HERC2: variants seen among roughly 807,000 people sequenced by gnomAD.
The protein encoded by HERC2 is E3 ubiquitin-protein ligase HERC2.
In HERC2, 102 loss-of-function variants were observed where a neutral mutation model predicts 537.7. That is an observed-to-expected ratio of 0.19 (90% CI 0.16 to 0.22). The LOEUF is 0.22. Among genes scored for constraint, HERC2 ranks in the 10% least tolerant of loss-of-function variants. HERC2 has a pLI of 1.00. For missense variants in HERC2, 4,236 were observed against 6,198.2 expected (o/e 0.68, Z 10.63); for synonymous variants, 2,224 against 2,466.2 (o/e 0.90, Z 2.91).
intron 55 of HERC2, among the ~76,000 whole-genome samples, chr15:28,187,829 G>C (rs1896457152): frequency 6.6e-6 from 1 of 152,102 alleles, no homozygotes; most frequent in Non-Finnish European, 1.5e-5. Context: ...GCATTTAGTG[G>C]AGTTGGTCTA....
chr15:28,317,059 T>C (rs1174962455), intron 2 of HERC2, among the ~76,000 whole-genome samples: 1 of 152,086 alleles, frequency 6.6e-6, no homozygotes, highest in Middle Eastern at 3.2e-3. Context: ...CACCCAGCCA[T>C]GTAGCCATCT....
At chr15:28,276,268 G>T (rs965256027) in intron 5 of HERC2, among the ~76,000 whole-genome samples, 3 of 150,456 alleles carry the variant, frequency 2.0e-5, no homozygotes, top group African/African-American at 7.4e-5. Flanking sequence ...AATAAAAATG[G>T]CAATGAAGAA....
intron 48 of HERC2, among the ~76,000 whole-genome samples, chr15:28,199,476 T>G (rs1193835422): frequency 6.6e-6 from 1 of 152,224 alleles, no homozygotes; most frequent in Non-Finnish European, 1.5e-5. Flanking sequence ...TTCTGAAAAC[T>G]GATAAAGTCT....
At position 28,275,005 on chromosome 15, in the gene HERC2, A is replaced by G; in HGVS notation, c.543T>C (p.Ser181=). Residue 181 remains serine, a splice_region_variant and synonymous_variant, in exon 6 of 93, where the codon AGT becomes AGC. Transcript: ENST00000261609. Reference sequence around the variant, plus strand: ...CCACACCTTTGCCCGCAGGCCGGGAACTGCAGACGACACACACGGAACATA... The same window carrying G: ...CCACACCTTTGCCCGCAGGCCGGGAGCTGCAGACGACACACACGGAACATA... ...GISLPPVDKK[S]SRPAGKGVEG... is the part of the protein sequence containing the mutation. 6.3e-7 allele frequency: 1 copy of G among 1,596,720 alleles called. No homozygotes were observed. Among genetic ancestry groups the G allele is most frequent in the Middle Eastern group, 1.7e-4 (1 of 6,048 alleles).
chr15:28,228,952 T>C (rs1901539014), intron 34 of HERC2, among the ~76,000 whole-genome samples: 1 of 152,256 alleles, frequency 6.6e-6, no homozygotes, highest in Non-Finnish European at 1.5e-5. Context: ...CACTTTAGGA[T>C]ATGTGGTGAT....
chr15:28,243,744 G>A (rs969529907), intron 23 of HERC2, among the ~76,000 whole-genome samples: 4 of 152,196 alleles, frequency 2.6e-5, no homozygotes, highest in Non-Finnish European at 5.9e-5. Context: ...TCTTGGCATG[G>A]AAGTGGAACA....
chr15:28,311,248 T>C (rs2076936884), intron 2 of HERC2, among the ~76,000 whole-genome samples: 1 of 151,796 alleles, frequency 6.6e-6, no homozygotes, highest in South Asian at 2.1e-4. Context: ...GCAGACTGCT[T>C]GAGCCCAGGA....
intron 84 of HERC2, among the ~76,000 whole-genome samples, 179 bp from the exon 85 acceptor site, chr15:28,124,413 CTG>C (rs1202189212): frequency 2.0e-5 from 3 of 152,174 alleles, no homozygotes; most frequent in Admixed American, 6.5e-5. Flanking sequence ...TCCAGTTTGA[CTG>C]TAAAAAAAAT....
chr15:28,138,674 A>C (rs1451486242), intron 78 of HERC2, among the ~76,000 whole-genome samples: 1 of 152,264 alleles, frequency 6.6e-6, no homozygotes, highest in Non-Finnish European at 1.5e-5. Flanking sequence ...CAAAGAGATT[A>C]AAGTTGTTTT....
chr15:28,173,093 G>A (rs1021677769), intron 65 of HERC2, among the ~76,000 whole-genome samples: 10 of 152,182 alleles, frequency 6.6e-5, no homozygotes, highest in Non-Finnish European at 1.3e-4. Context: ...AAGACTGAAC[G>A]TATCAAGGGT....
intron 38 of HERC2, 86 bp from the exon 39 acceptor site, chr15:28,215,888 T>C (rs562592943): frequency 5.2e-6 from 5 of 969,458 alleles, no homozygotes; most frequent in East Asian, 2.8e-5. Context: ...TATCAACTTA[T>C]TTTATTTTTC....
chr15:28,113,142 G>A lies in HERC2; in HGVS notation c.14161C>T (p.Arg4721Cys), dbSNP rs767159251. 3 of 1,614,028 alleles carry A rather than the reference G, an allele frequency of 1.9e-6. No individual in the cohort carries two copies. The highest frequency in any genetic ancestry group is 1.1e-5 in the South Asian group (1 of 91,082). ...FSNTERSLFL[R>C]FVWGRTRLPR... is the part of the protein sequence containing the mutation. ...AGCCTCGTCCGGCCCCAGACGAAGCGAAGGAAAAGAGAGCGCTCTGTGTTG... is the reference window on the plus strand; with the variant it reads ...AGCCTCGTCCGGCCCCAGACGAAGCAAAGGAAAAGAGAGCGCTCTGTGTTG... Residue 4721 changes from arginine (R) to cysteine (C), a missense_variant, in exon 92 of 93, where the codon CGC becomes TGC. Around this residue, in one of 27 missense-constraint regions of HERC2, gnomAD observed 313 missense variants for 462.6 expected, o/e 0.68. Transcript: ENST00000261609. The surrounding 1 kb of genome is among the most constrained non-coding windows in gnomAD (Gnocchi z 7.0).
intron 2 of HERC2, among the ~76,000 whole-genome samples, chr15:28,311,787 G>A (rs1035145188): frequency 1.2e-4 from 19 of 152,294 alleles, no homozygotes; most frequent in Admixed American, 7.8e-4. Context: ...AGCACTCTAA[G>A]ATCGCCCCAG....
chr15:28,283,779 A>G (rs2076084168), intron 4 of HERC2, among the ~76,000 whole-genome samples: 1 of 152,256 alleles, frequency 6.6e-6, no homozygotes, highest in South Asian at 2.1e-4. Flanking sequence ...AGGAGAACAT[A>G]AAGGAACGTC....
intron 56 of HERC2, among the ~76,000 whole-genome samples, chr15:28,183,152 G>C (rs144785028): frequency 2.4e-4 from 36 of 152,294 alleles, no homozygotes; most frequent in African/African-American, 8.4e-4. Flanking sequence ...CAGAGGGCTT[G>C]CTCCTTCCAC....
chr15:28,257,960 A>G (rs2075310938), intron 16 of HERC2, among the ~76,000 whole-genome samples: 1 of 152,024 alleles, frequency 6.6e-6, no homozygotes, highest in African/African-American at 2.4e-5. Flanking sequence ...CTGGAATTAC[A>G]AGCGTGAGCC....
intron 2 of HERC2, among the ~76,000 whole-genome samples, chr15:28,317,203 G>C (rs1222178859): frequency 1.3e-5 from 2 of 152,060 alleles, no homozygotes; most frequent in Non-Finnish European, 2.9e-5. Flanking sequence ...CACTTCTCCT[G>C]CCTCAACCTC....
intron 22 of HERC2, 88 bp downstream of exon 22, chr15:28,246,654 T>C: frequency 2.6e-6 from 3 of 1,157,408 alleles, no homozygotes; most frequent in Admixed American, 2.9e-5. Flanking sequence ...AGAGAGTAAA[T>C]GCAGGCATGC....
chr15:28,212,574 C>T lies in HERC2; in HGVS notation c.6796G>A (p.Val2266Met), dbSNP rs777318947. The T allele has an allele frequency of 1.2e-5, 20 of 1,606,422 alleles. No individual in the cohort carries two copies. In the South Asian group the frequency reaches 1.5e-4, roughly 12 times the overall value. Residue 2266 changes from valine to methionine, a missense_variant, in exon 43 of 93, where the codon GTG (valine) becomes ATG (methionine). By Grantham distance (21) the Val-to-Met change is conservative (BLOSUM62 1). Around this residue, in one of 27 missense-constraint regions of HERC2, gnomAD observed 67 missense variants for 140.1 expected, o/e 0.48. Coordinates refer to ENST00000261609, the MANE Select transcript of HERC2 (RefSeq NM_004667.6). ...PLNQLKPLPAVAFNVNNLPFT... is the reference protein window; with the variant it reads ...PLNQLKPLPAMAFNVNNLPFT... Reference sequence around the variant, plus strand: ...GGCAGGTTGTTCACATTAAAGGCCACGGCAGGGAGCTGGAGAGGACACAGA... The same window carrying T: ...GGCAGGTTGTTCACATTAAAGGCCATGGCAGGGAGCTGGAGAGGACACAGA...
Sources: allele counts gnomAD v4.1 joint callset (sites outside exome capture counted in the v4.1 genomes callset), GRCh38; gene constraint gnomAD v4.1.1; regional missense constraint gnomAD v4.1.1; non-coding constraint Gnocchi (gnomAD v3.1); transcripts MANE v1.5; gene names NCBI Gene and HGNC (gene_info 2026-07-23, HGNC 2026-07-21).